The following PTPN12 variants were observed in gnomAD, a reference collection of about 807,000 sequenced individuals.
PTPN12 encodes the protein tyrosine-protein phosphatase non-receptor type 12.
PTPN12 carries 29 observed loss-of-function variants against 97.6 expected under a neutral mutation model. That is an observed-to-expected ratio of 0.30 (90% CI 0.22 to 0.41). PTPN12 has a LOEUF of 0.41. PTPN12 is among the 10% of genes least tolerant of loss of function. The pLI is 1.00. For synonymous variants in PTPN12, 327 were observed against 300.4 expected (o/e 1.09, Z -0.91); for missense variants, 819 against 926.0 (o/e 0.88, Z 1.50).
chr7:77,610,504 G>A (rs1442933546), intron 9 of PTPN12, among the ~76,000 whole-genome samples: 1 of 152,158 alleles, frequency 6.6e-6, no homozygotes, highest in Non-Finnish European at 1.5e-5. Context: ...ACACTCAACA[G>A]TTAGCCATAG....
intron 1 of PTPN12, among the ~76,000 whole-genome samples, chr7:77,546,701 G>A (rs1333880027): frequency 6.6e-6 from 1 of 152,152 alleles, no homozygotes; most frequent in Non-Finnish European, 1.5e-5. Flanking sequence ...CCCGAGACTG[G>A]GTAATTTATA....
intron 14 of PTPN12, among the ~76,000 whole-genome samples, chr7:77,635,003 G>A (rs752463839): frequency 1.3e-5 from 2 of 151,910 alleles, no homozygotes; most frequent in African/African-American, 4.8e-5. Flanking sequence ...GGCATACACC[G>A]TCACTCCCAA....
chr7:77,597,179 G>A (rs761746413), intron 6 of PTPN12, among the ~76,000 whole-genome samples: 22 of 151,914 alleles, frequency 1.4e-4, no homozygotes, highest in Non-Finnish European at 2.2e-4. Flanking sequence ...GCTGGAGTGC[G>A]GTGGCACTAT....
At chr7:77,598,960 A>G (rs1183444990) in intron 7 of PTPN12, among the ~76,000 whole-genome samples, 1 of 151,284 alleles carries the variant, frequency 6.6e-6, no homozygotes. Context: ...TAAAAAAATA[A>G]AACAAGCTAT....
chr7:77,550,310 AATAG>A (rs1352621434), intron 1 of PTPN12, among the ~76,000 whole-genome samples: 1 of 152,180 alleles, frequency 6.6e-6, no homozygotes. Flanking sequence ...TAATACGGTA[AATAG>A]ATTATACAAG....
intron 1 of PTPN12, among the ~76,000 whole-genome samples, chr7:77,548,596 A>ATGC (rs1173385461): frequency 3.9e-5 from 6 of 152,216 alleles, no homozygotes; most frequent in African/African-American, 1.4e-4. Flanking sequence ...ATATGACATG[A>ATGC]TGCTGCTTAG....
chr7:77,549,901 G>A (rs2151299558), intron 1 of PTPN12, among the ~76,000 whole-genome samples: 2 of 152,196 alleles, frequency 1.3e-5, no homozygotes, highest in Non-Finnish European at 2.9e-5. Context: ...TTTTATCAAA[G>A]TAGTCACTAT....
chr7:77,624,046 A>C (rs1167886608), intron 12 of PTPN12, among the ~76,000 whole-genome samples: 1 of 152,152 alleles, frequency 6.6e-6, no homozygotes, highest in East Asian at 1.9e-4. Context: ...GAATTGCTTA[A>C]GTTTAGGAGT....
intron 1 of PTPN12, among the ~76,000 whole-genome samples, chr7:77,556,754 C>G (rs528805542): frequency 1.1e-3 from 165 of 152,054 alleles, no homozygotes; most frequent in African/African-American, 3.9e-3. Flanking sequence ...CACTTGAACC[C>G]GGGAGGTGGA....
chr7:77,617,384 A>G (rs1788787877), intron 11 of PTPN12, among the ~76,000 whole-genome samples: 1 of 152,182 alleles, frequency 6.6e-6, no homozygotes, highest in East Asian at 1.9e-4. Flanking sequence ...CTTGTCAGGA[A>G]GTGATATGTA....
At chr7:77,543,184 T>C (rs892159209) in intron 1 of PTPN12, among the ~76,000 whole-genome samples, 7 of 152,030 alleles carry the variant, frequency 4.6e-5, no homozygotes, top group African/African-American at 1.7e-4. Flanking sequence ...TAGGAGTGCT[T>C]TGGTGACTAG....
intron 11 of PTPN12, among the ~76,000 whole-genome samples, chr7:77,613,167 G>GTTTTTTTTTTTTTTTT (rs576216122): frequency 1.1e-5 from 1 of 88,534 alleles, no homozygotes; most frequent in Non-Finnish European, 2.0e-5. Context: ...TAATTTTTGG[G>GTTTTTTTTTTTTTTTT]TTTTTTTTTT....
intron 1 of PTPN12, among the ~76,000 whole-genome samples, chr7:77,553,061 T>G (rs915664997): frequency 1.3e-5 from 2 of 152,202 alleles, no homozygotes; most frequent in Admixed American, 6.5e-5. Context: ...TATTTAATTA[T>G]CTGAAAATAC....
chr7:77,555,847 G>A (rs1433362191), intron 1 of PTPN12, among the ~76,000 whole-genome samples: 4 of 150,882 alleles, frequency 2.7e-5, no homozygotes, highest in African/African-American at 4.9e-5. Context: ...CCCAGGAGGC[G>A]GAGCTTGCAG....
intron 2 of PTPN12, among the ~76,000 whole-genome samples, chr7:77,574,278 A>G (rs1396685086): frequency 6.6e-6 from 1 of 152,160 alleles, no homozygotes; most frequent in Non-Finnish European, 1.5e-5. Context: ...TTAGTGGTGT[A>G]GTGTTAAACT....
At chr7:77,612,117 G>C (rs527851149) in intron 11 of PTPN12, among the ~76,000 whole-genome samples, 38 of 151,822 alleles carry the variant, frequency 2.5e-4, no homozygotes, top group African/African-American at 8.7e-4. Context: ...CCTTTAAATG[G>C]TTTTGTCAGT....
chr7:77,556,236 A>AT (rs961670186), intron 1 of PTPN12, among the ~76,000 whole-genome samples: 3 of 151,706 alleles, frequency 2.0e-5, no homozygotes, highest in African/African-American at 7.3e-5. Context: ...AAGTTTTCAT[A>AT]TTTTTTTGTA....
intron 2 of PTPN12, among the ~76,000 whole-genome samples, chr7:77,579,086 T>C (rs1476647077): frequency 2.0e-5 from 3 of 152,172 alleles, no homozygotes; most frequent in Non-Finnish European, 4.4e-5. Flanking sequence ...CAGAGAAACT[T>C]TTTTAGATTG....
intron 14 of PTPN12, 35 bp from the exon 15 acceptor site, chr7:77,635,747 A>G (rs757889075): frequency 2.9e-6 from 4 of 1,360,096 alleles, no homozygotes; most frequent in Non-Finnish European, 4.0e-6. Flanking sequence ...CAGAAATTCA[A>G]GGTGTTAATA....
Sources: gnomAD v4.1 joint callset for allele counts (sites outside exome capture counted in the v4.1 genomes callset) on GRCh38, gnomAD v4.1.1 for gene constraint, MANE v1.5 for transcripts, NCBI Gene and HGNC (gene_info 2026-07-23, HGNC 2026-07-21) for gene names.